MTG2: variants seen among roughly 807,000 people sequenced by gnomAD.
MTG2 encodes mitochondrial ribosome-associated GTPase 2.
Under a neutral mutation model 28.6 loss-of-function variants are expected in MTG2, and 23 were observed. The ratio of observed to expected loss-of-function variants is 0.80; its 90% confidence interval spans 0.58 to 1.14. The LOEUF (loss-of-function observed/expected upper bound fraction) is 1.14, where lower values mean the gene tolerates loss of function less well. Among genes scored for constraint, MTG2 ranks in the 50% most tolerant of loss-of-function variants. MTG2 has a pLI of 0.00. For synonymous variants in MTG2, 260 were observed against 251.8 expected (o/e 1.03, Z -0.31); for missense variants, 539 against 552.0 (o/e 0.98, Z 0.24).
At chr20:62,186,262 C>T (rs1461182511) in intron 1 of MTG2, among the ~76,000 whole-genome samples, 1 of 152,180 alleles carries the variant, frequency 6.6e-6, no homozygotes, top group Non-Finnish European at 1.5e-5. Context: ...GGACTTACTT[C>T]ACAGAGTTTT....
intron 1 of MTG2, among the ~76,000 whole-genome samples, chr20:62,188,538 A>G (rs188198140): frequency 2.1e-5 from 2 of 94,492 alleles, no homozygotes; most frequent in Non-Finnish European, 4.4e-5. Context: ...TTTTTGGTAG[A>G]CACAAGGTCT....
chr20:62,194,590 TTTTTTGTGTTTAAA>T (rs1216600166), intron 2 of MTG2, among the ~76,000 whole-genome samples: 17 of 152,362 alleles, frequency 1.1e-4, no homozygotes, highest in African/African-American at 2.2e-4. Context: ...TTTTAAATTT[TTTTTTGTGTTTAAA>T]TTTTTGTGTT....
intron 5 of MTG2, 104 bp from the exon 6 acceptor site, chr20:62,199,013 ACT>A (rs983636915): frequency 6.4e-7 from 1 of 1,566,866 alleles, no homozygotes; most frequent in African/African-American, 1.4e-5. Context: ...AGCCCTTGTG[ACT>A]CCCCCAGCCC....
Position 62,195,886 on chromosome 20 carries a change from C to T in MTG2, c.289C>T (p.Arg97Cys), listed in dbSNP as rs146921137. Reference sequence around the variant, plus strand: ...GGCAAGCTGCTTCCACAGTGAGCCCCGCAAGGAGTTTGGAGGCCCTGATGG... The same window carrying T: ...GGCAAGCTGCTTCCACAGTGAGCCCTGCAAGGAGTTTGGAGGCCCTGATGG... ...AGASCFHSEP[R>C]KEFGGPDGGD... Residue 97 changes from arginine (R) to cysteine (C), a missense_variant, in exon 3 of 7, where the codon CGC (arginine) becomes TGC (cysteine). Arg to Cys is a radical substitution (Grantham distance 180, BLOSUM62 -3). Coordinates refer to ENST00000370823, the MANE Select transcript of MTG2 (RefSeq NM_015666.4). The T allele has an allele frequency of 1.4e-4, 224 of 1,614,136 alleles. 4 individuals carry two copies. In the South Asian group the frequency reaches 1.9e-3, roughly 14 times the overall value.
chr20:62,192,251 A>C (rs1601091336), intron 1 of MTG2, among the ~76,000 whole-genome samples: 1 of 152,290 alleles, frequency 6.6e-6, no homozygotes, highest in South Asian at 2.1e-4. Context: ...CGACCCCTTC[A>C]GGTTTGATGA....
At chr20:62,199,327 C>T (rs2058120464) in intron 6 of MTG2, 70 bp downstream of exon 6, 1 of 1,540,240 alleles carries the variant, frequency 6.5e-7, no homozygotes, top group Non-Finnish European at 8.8e-7. Context: ...TGATGTAACT[C>T]TTAAATTTAG....
At chr20:62,194,064 AC>A (rs963922919) in intron 2 of MTG2, 8 of 149,612 alleles carry the variant, frequency 5.3e-5, no homozygotes, top group African/African-American at 2.0e-4. Context: ...ACATGGTGAA[AC>A]CCTGTCTCTA....
chr20:62,183,724 T>TA (rs1316715779), intron 1 of MTG2, among the ~76,000 whole-genome samples: 4 of 152,154 alleles, frequency 2.6e-5, no homozygotes, highest in Non-Finnish European at 5.9e-5. Flanking sequence ...ACTAGAGAAA[T>TA]ACCTTTCTTT....
At chr20:62,199,097 C>G in intron 5 of MTG2, 22 bp from the exon 6 acceptor site, 1 of 1,613,168 alleles carries the variant, frequency 6.2e-7, no homozygotes, top group East Asian at 2.2e-5. Context: ...GGCCGTGCCA[C>G]CGTCTTCCCT....
In MTG2 at chr20:62,201,909, T is replaced by C. The variant is rs2058178230; in HGVS notation, c.*832T>C. The C allele has an allele frequency of 6.6e-6, 1 of 152,298 alleles. No homozygotes were observed. Among genetic ancestry groups the C allele is most frequent in the Non-Finnish European group, 1.5e-5 (1 of 68,130 alleles). The allele number at this position is 152,298 out of a possible 1,614,324, so 9.4% of individuals were successfully genotyped here. A position where few individuals can be genotyped will look rare whatever the true frequency, so the allele number is the denominator to read the frequency against. ...TTATTCTCAGAAGGCGGCCGTGGCATGGGCAGGGTATAGTGAGGAGTGGAA... is the reference window on the plus strand; with the variant it reads ...TTATTCTCAGAAGGCGGCCGTGGCACGGGCAGGGTATAGTGAGGAGTGGAA... On this transcript the variant is annotated 3_prime_UTR_variant, in exon 7 of 7. Coordinates refer to ENST00000370823, the MANE Select transcript of MTG2 (RefSeq NM_015666.4).
chr20:62,189,733 T>C (rs371469349), intron 1 of MTG2, among the ~76,000 whole-genome samples: 76 of 149,234 alleles, frequency 5.1e-4, no homozygotes, highest in African/African-American at 1.9e-3. Flanking sequence ...TGATGCAATC[T>C]CGGCTCACTG....
chr20:62,196,049 A>G, intron 3 of MTG2, 100 bp downstream of exon 3: 1 of 1,421,158 alleles, frequency 7.0e-7, no homozygotes, highest in South Asian at 1.3e-5. Context: ...ACAGTGGCTT[A>G]TGCCTGTGAT....
intron 2 of MTG2, among the ~76,000 whole-genome samples, chr20:62,195,207 C>CA (rs1233113110): frequency 1.3e-5 from 2 of 152,260 alleles, no homozygotes; most frequent in East Asian, 1.9e-4. Flanking sequence ...AAAAAAACCA[C>CA]AAAAAACAAA....
At chr20:62,196,488 C>T (rs1416124827) in intron 3 of MTG2, among the ~76,000 whole-genome samples, 3 of 150,158 alleles carry the variant, frequency 2.0e-5, no homozygotes, top group African/African-American at 7.4e-5. Context: ...GCCTGGCCAA[C>T]GTGGTGAAAT....
rs2057999020 is a variant in MTG2, at chr20:62,193,446, C to A, written c.26C>A (p.Ala9Glu). ...ATGGCACCTGCAAGGTGTTTCTCAG[C>A]AAGATTGAGGACCGTGTTTCAGGGC... MAPARCFS[A>E]RLRTVFQGVG... is the part of the protein sequence containing the mutation. The change falls in exon 2 of 7, where the codon GCA becomes GAA. Residue 9 changes from alanine to glutamate, a missense_variant. Coordinates refer to ENST00000370823, the MANE Select transcript of MTG2 (RefSeq NM_015666.4). The A allele has an allele frequency of 1.9e-6, 3 of 1,614,178 alleles. No homozygotes were observed. Among genetic ancestry groups the A allele is most frequent in the Non-Finnish European group, 2.5e-6 (3 of 1,180,038 alleles).
intron 1 of MTG2, among the ~76,000 whole-genome samples, chr20:62,187,818 G>C (rs118157704): frequency 6.6e-6 from 1 of 152,026 alleles, no homozygotes; most frequent in East Asian, 1.9e-4. Flanking sequence ...CTTTATTTCT[G>C]CTCTGTATTA....
At chr20:62,191,770 C>T (rs1296144126) in intron 1 of MTG2, among the ~76,000 whole-genome samples, 20 of 152,062 alleles carry the variant, frequency 1.3e-4, no homozygotes, top group Admixed American at 1.3e-3. Flanking sequence ...CTGCTGAAGA[C>T]TGGGGAGCTC....
At chr20:62,186,469 T>A (rs2145827007) in intron 1 of MTG2, among the ~76,000 whole-genome samples, 1 of 152,260 alleles carries the variant, frequency 6.6e-6, no homozygotes, top group African/African-American at 2.4e-5. Context: ...CTGATTTTTT[T>A]ATATTAGCCT....
chr20:62,190,803 A>T (rs962809832), intron 1 of MTG2, among the ~76,000 whole-genome samples: 1 of 152,200 alleles, frequency 6.6e-6, no homozygotes, highest in Non-Finnish European at 1.5e-5. Context: ...GTCCGCAGGG[A>T]TGCCTTTGCA....
Sources: gnomAD v4.1 joint callset for allele counts (sites outside exome capture counted in the v4.1 genomes callset) on GRCh38, gnomAD v4.1.1 for gene constraint, MANE v1.5 for transcripts, NCBI Gene and HGNC (gene_info 2026-07-23, HGNC 2026-07-21) for gene names.